The following CA5A variants were observed in gnomAD, a reference collection of about 807,000 sequenced individuals.
The protein encoded by CA5A is carbonic anhydrase 5A.
CA5A carries 28 observed loss-of-function variants against 37.1 expected under a neutral mutation model. The observed-to-expected ratio is 0.75, with a 90% CI of 0.56 to 1.03. The LOEUF (loss-of-function observed/expected upper bound fraction) is 1.03. Ranked by LOEUF, CA5A falls within the 50% of genes least tolerant of loss-of-function variation. The pLI, the probability that CA5A is intolerant of heterozygous loss-of-function variation, is 0.00. For missense variants in CA5A, 444 were observed against 399.9 expected, an observed-to-expected ratio of 1.11 and a Z score of -0.94; for synonymous variants, 171 against 158.4, an observed-to-expected ratio of 1.08 and a Z score of -0.60.
chr16:87,921,631 A>G (rs559095316), intron 2 of CA5A, among the ~76,000 whole-genome samples: 26 of 152,290 alleles, frequency 1.7e-4, no homozygotes, highest in South Asian at 1.2e-3. Flanking sequence ...GGACCCCGTG[A>G]ATGGGAGTCG....
intron 2 of CA5A, among the ~76,000 whole-genome samples, chr16:87,925,991 G>A (rs558629375): frequency 6.6e-6 from 1 of 152,350 alleles, no homozygotes; most frequent in South Asian, 2.1e-4. Flanking sequence ...GGGAGGCCAA[G>A]GTGGGCAGAT....
intron 2 of CA5A, among the ~76,000 whole-genome samples, chr16:87,910,073 G>A (rs192825325): frequency 6.8e-6 from 1 of 147,722 alleles, no homozygotes; most frequent in African/African-American, 2.4e-5. Flanking sequence ...TTGACGTAAA[G>A]GAAGCACTCT....
At chr16:87,893,183 A>G (rs1225492795) in intron 5 of CA5A, 1 of 427,326 alleles carries the variant, frequency 2.3e-6, no homozygotes, top group African/African-American at 2.1e-5. Context: ...GCTGGAGTGC[A>G]GTGGTGCGAT....
chr16:87,887,944 G>C (rs879939204), downstream of CA5A: 2 of 839,204 alleles, frequency 2.4e-6, no homozygotes, highest in African/African-American at 3.4e-5. Context: ...CCATCCCAGC[G>C]TTATGTTCCC....
At chr16:87,925,244 G>C (rs2056288868) in intron 2 of CA5A, among the ~76,000 whole-genome samples, 1 of 152,182 alleles carries the variant, frequency 6.6e-6, no homozygotes, top group Non-Finnish European at 1.5e-5. Flanking sequence ...GTCCAGCACA[G>C]AGCCACCCTC....
At chr16:87,892,925 G>C in intron 5 of CA5A, 1 of 665,766 alleles carries the variant, frequency 1.5e-6, no homozygotes. Context: ...CAAAGTGCTG[G>C]GGTGAGCCAC....
intron 1 of CA5A, among the ~76,000 whole-genome samples, chr16:87,934,580 G>A (rs1403170822): frequency 4.0e-5 from 6 of 151,810 alleles, no homozygotes; most frequent in Non-Finnish European, 5.9e-5. Context: ...AAAAATAAAG[G>A]AAAGTCACAG....
At chr16:87,915,379 G>A (rs2056122048) in intron 2 of CA5A, among the ~76,000 whole-genome samples, 1 of 152,054 alleles carries the variant, frequency 6.6e-6, no homozygotes, top group Non-Finnish European at 1.5e-5. Context: ...GTTTACAAAG[G>A]AAAAACAAGG....
intron 5 of CA5A, among the ~76,000 whole-genome samples, chr16:87,898,729 ATTTTTT>A (rs59375883): frequency 5.2e-5 from 6 of 115,082 alleles, no homozygotes; most frequent in East Asian, 2.4e-4. Context: ...TCTAGTGTGG[ATTTTTT>A]TTTTTTTTTT....
intron 6 of CA5A, among the ~76,000 whole-genome samples, chr16:87,889,746 G>C (rs1018774096): frequency 6.6e-6 from 1 of 151,814 alleles, no homozygotes; most frequent in Non-Finnish European, 1.5e-5. Flanking sequence ...ACTCCAGCCC[G>C]GGCAAGAAGA....
chr16:87,924,260 C>T (rs993665429), intron 2 of CA5A: 4 of 985,454 alleles, frequency 4.1e-6, no homozygotes, highest in Non-Finnish European at 3.6e-6. Context: ...CGGGAAGCAT[C>T]CGCGGGGGTT....
At chr16:87,924,251 G>C (rs898941843) in intron 2 of CA5A, 4 of 985,322 alleles carry the variant, frequency 4.1e-6, no homozygotes, top group Admixed American at 1.2e-4. Flanking sequence ...AGCCCCACAC[G>C]GGAAGCATCC....
In CA5A at chr16:87,901,604, T is replaced by C. The variant is rs190224804; in HGVS notation, c.618+308A>G. ...TTTCTTTTCTTTTCTTTTTTTTTTT[T>C]TGAGATGGGATTTCACTCTTGTCAC... is the stretch of plus-strand genomic sequence containing the variant. On this transcript the variant is annotated intron_variant, in intron 5 of 6. Transcript: ENST00000649794. Among the ~76,000 whole-genome samples, 162 of 152,122 alleles carry C rather than the reference T, an allele frequency of 1.1e-3. 1 individual carries two copies. The highest frequency in any genetic ancestry group is 1.9e-3 in the Non-Finnish European group (132 of 67,960).
chr16:87,883,314 C>T (rs958871465), downstream of CA5A: 1 of 149,510 alleles, frequency 6.7e-6, no homozygotes, highest in African/African-American at 2.5e-5. Context: ...TGAGCCACCG[C>T]GCCTAGCCTT....
In CA5A at chr16:87,888,422, A is replaced by G; in HGVS notation, c.775-150T>C. On this transcript the variant is annotated intron_variant, in intron 6 of 6. Coordinates refer to ENST00000649794, the MANE Select transcript of CA5A (RefSeq NM_001739.2). ...ATATGGTGGAAGTGATGGTGTGTGC[A>G]GGGCCAGATTATAAAAGGCATTGCC... 5 of 697,406 alleles carry G rather than the reference A, an allele frequency of 7.2e-6. No individual in the cohort carries two copies. In the South Asian group the frequency reaches 1.1e-4, roughly 15 times the overall value. The allele number at this position is 697,406 out of a possible 1,614,324, so 43.2% of individuals were successfully genotyped here.
rs913411530 is a variant in CA5A at position 87,893,578 on chromosome 16, C to A, written c.619-1624G>T. On this transcript the variant is annotated intron_variant, in intron 5 of 6. Transcript: ENST00000649794. ...TCGGCCTAAAGGTCTGGAGGGTGGG[C>A]GACCTGCAAGACTCACAAGAGGGGA... 1.0e-5 allele frequency: 7 copies of A among 669,484 alleles called. No homozygotes were observed. The Admixed American group carries it at 1.3e-4, about 13-fold the overall frequency. 41.5% of individuals were successfully genotyped at this position (669,484 alleles called of 1,614,324 possible).
intron 2 of CA5A, among the ~76,000 whole-genome samples, chr16:87,922,568 G>A (rs980440405): frequency 1.3e-5 from 2 of 152,238 alleles, no homozygotes; most frequent in South Asian, 2.1e-4. Flanking sequence ...GGGTTGGGGC[G>A]TGGGTTTGTT....
chr16:87,904,722 C>T (rs965302380), intron 3 of CA5A, 64 bp downstream of exon 3: 2 of 1,014,470 alleles, frequency 2.0e-6, no homozygotes, highest in Non-Finnish European at 3.1e-6. Flanking sequence ...TTGTTCACCC[C>T]CCACCATAGA....
chr16:87,911,295 C>T lies in CA5A; in HGVS notation c.341-6391G>A, dbSNP rs1018611798. ...ATATAATTGAACGATTGCCTCAGCGCGTGCCAGACTCTCCAAACATAATAA... is the reference window on the plus strand; with the variant it reads ...ATATAATTGAACGATTGCCTCAGCGTGTGCCAGACTCTCCAAACATAATAA... On this transcript the variant is annotated intron_variant, in intron 2 of 6. Coordinates refer to ENST00000649794, the MANE Select transcript of CA5A (RefSeq NM_001739.2). This position sits in a 1 kb window ranked among gnomAD's most constrained non-coding sequence, Gnocchi z 4.6. Among the ~76,000 whole-genome samples the T allele has an allele frequency of 5.3e-5, 8 of 152,038 alleles. No homozygotes were observed. Among genetic ancestry groups the T allele is most frequent in the Non-Finnish European group, 8.8e-5 (6 of 68,008 alleles).
Sources: gnomAD v4.1 joint callset for allele counts (sites outside exome capture counted in the v4.1 genomes callset) on GRCh38, gnomAD v4.1.1 for gene constraint, Gnocchi (gnomAD v3.1) non-coding constraint, MANE v1.5 for transcripts, NCBI Gene and HGNC (gene_info 2026-07-23, HGNC 2026-07-21) for gene names.